The following CAMTA1 variants were observed in gnomAD, a reference collection of about 807,000 sequenced individuals.
CAMTA1 encodes calmodulin-binding transcription activator 1.
A neutral mutation model predicts 170.9 loss-of-function variants in CAMTA1; 27 were observed. That is an observed-to-expected ratio of 0.16 (90% CI 0.12 to 0.22). The LOEUF (loss-of-function observed/expected upper bound fraction) is 0.22, where lower values mean the gene tolerates loss of function less well. CAMTA1 is among the 10% of genes least tolerant of loss of function. The probability of loss-of-function intolerance (pLI) is 1.00; values close to 1 mark genes in which losing one functional copy is unlikely to be tolerated. For synonymous variants in CAMTA1, 833 were observed against 891.5 expected (o/e 0.93, Z 1.17); for missense variants, 1,619 against 2,217.2 (o/e 0.73, Z 5.42).
chr1:7,677,822 A>G (rs1181394153), intron 11 of CAMTA1, 89 bp downstream of exon 11: 1 of 1,466,674 alleles, frequency 6.8e-7, no homozygotes, highest in African/African-American at 1.4e-5. Flanking sequence ...AAGAGTAAGC[A>G]CCCAGAAAGG....
chr1:7,139,012 T>C (rs912775325), intron 4 of CAMTA1, among the ~76,000 whole-genome samples: 2 of 145,146 alleles, frequency 1.4e-5, no homozygotes, highest in Non-Finnish European at 3.0e-5. Context: ...TATATATATA[T>C]ATATATAATT....
At chr1:7,026,349 A>T (rs936637056) in intron 3 of CAMTA1, among the ~76,000 whole-genome samples, 1 of 151,874 alleles carries the variant, frequency 6.6e-6, no homozygotes, top group South Asian at 2.1e-4. Flanking sequence ...CTATATGTCC[A>T]GGGGGGGAGT....
intron 3 of CAMTA1, among the ~76,000 whole-genome samples, chr1:6,859,021 G>C (rs1663611107): frequency 6.6e-6 from 1 of 152,118 alleles, no homozygotes; most frequent in Non-Finnish European, 1.5e-5. Context: ...TATTACAACA[G>C]TGTATGTAAA....
chr1:7,244,165 G>A (rs1034307221), intron 4 of CAMTA1, among the ~76,000 whole-genome samples: 18 of 152,268 alleles, frequency 1.2e-4, no homozygotes, highest in African/African-American at 4.3e-4. Flanking sequence ...GGCCATCAGA[G>A]AAATGCAAAT....
At chr1:6,787,208 G>A (rs886922523) in intron 1 of CAMTA1, among the ~76,000 whole-genome samples, 1 of 152,210 alleles carries the variant, frequency 6.6e-6, no homozygotes, top group Non-Finnish European at 1.5e-5. Flanking sequence ...TGTTGGCTGG[G>A]TAAGGAGAAG....
chr1:6,894,060 T>A (rs1168237141), intron 3 of CAMTA1, among the ~76,000 whole-genome samples: 1 of 152,278 alleles, frequency 6.6e-6, no homozygotes, highest in Non-Finnish European at 1.5e-5. Context: ...TGAAGATTGA[T>A]GCTTTCAGGT....
At chr1:6,847,708 T>C (rs1658780018) in intron 3 of CAMTA1, among the ~76,000 whole-genome samples, 1 of 139,864 alleles carries the variant, frequency 7.1e-6, no homozygotes, top group African/African-American at 2.6e-5. Context: ...CCCAGCTAAC[T>C]TTTTTTTTTT....
At chr1:7,398,040 A>G (rs2089468903) in intron 5 of CAMTA1, among the ~76,000 whole-genome samples, 1 of 149,796 alleles carries the variant, frequency 6.7e-6, no homozygotes, top group Admixed American at 6.7e-5. Flanking sequence ...TTCTATGTTG[A>G]TTTTCAGTCT....
intron 3 of CAMTA1, among the ~76,000 whole-genome samples, chr1:6,885,118 C>T (rs1672839877): frequency 6.6e-6 from 1 of 152,108 alleles, no homozygotes; most frequent in African/African-American, 2.4e-5. Context: ...TGAGGTTTTT[C>T]TTCCTGCTAA....
chr1:7,033,825 C>G (rs1703154204), intron 3 of CAMTA1, among the ~76,000 whole-genome samples: 1 of 151,958 alleles, frequency 6.6e-6, no homozygotes, highest in South Asian at 2.1e-4. Flanking sequence ...AACGCCTGAC[C>G]CCAAGTGATC....
intron 5 of CAMTA1, among the ~76,000 whole-genome samples, chr1:7,315,461 C>G (rs756553834): frequency 6.6e-6 from 1 of 152,194 alleles, no homozygotes; most frequent in Non-Finnish European, 1.5e-5. Flanking sequence ...TTCAGCAGCT[C>G]AGGGTGAAGC....
chr1:6,893,293 G>A (rs2149152294), intron 3 of CAMTA1, among the ~76,000 whole-genome samples: 1 of 152,266 alleles, frequency 6.6e-6, no homozygotes, highest in Non-Finnish European at 1.5e-5. Flanking sequence ...AAAAAAAGCT[G>A]TTTGTCTGTT....
At chr1:7,161,646 C>T (rs1415037668) in intron 4 of CAMTA1, among the ~76,000 whole-genome samples, 1 of 152,246 alleles carries the variant, frequency 6.6e-6, no homozygotes, top group African/African-American at 2.4e-5. Context: ...CTTTCACCTT[C>T]TGTCATGATT....
At chr1:7,460,593 GCC>G (rs79831740) in intron 5 of CAMTA1, among the ~76,000 whole-genome samples, 8 of 149,710 alleles carry the variant, frequency 5.3e-5, no homozygotes, top group African/African-American at 1.2e-4. Context: ...GGCTGTGACT[GCC>G]CCCCCCAACC....
Position 7,299,009 on chromosome 1 carries a change from A to G in CAMTA1, c.438+49383A>G, listed in dbSNP as rs1485461665. Reference sequence around the variant, plus strand: ...GCTATTTGCTTTGACTAAGGGGCCAAGATGATGAAGTCAGATGTCCTGAGT... The same window carrying G: ...GCTATTTGCTTTGACTAAGGGGCCAGGATGATGAAGTCAGATGTCCTGAGT... On this transcript the variant is annotated intron_variant, in intron 5 of 22. Coordinates refer to ENST00000303635, the MANE Select transcript of CAMTA1 (RefSeq NM_015215.4). This position sits in a 1 kb window ranked among gnomAD's most constrained non-coding sequence, Gnocchi z 4.7. Among the ~76,000 whole-genome samples the G allele has an allele frequency of 6.6e-6, 1 of 152,220 alleles. No individual in the cohort carries two copies. Among genetic ancestry groups the G allele is most frequent in the Non-Finnish European group, 1.5e-5 (1 of 68,032 alleles).
chr1:7,584,892 T>C (rs1576235828), intron 6 of CAMTA1, among the ~76,000 whole-genome samples: 1 of 152,146 alleles, frequency 6.6e-6, no homozygotes, highest in African/African-American at 2.4e-5. Flanking sequence ...GCCCCCACGG[T>C]GGAGTTATCC....
intron 3 of CAMTA1, among the ~76,000 whole-genome samples, chr1:7,004,909 A>G (rs1242716062): frequency 1.3e-5 from 2 of 152,188 alleles, no homozygotes; most frequent in East Asian, 3.9e-4. Context: ...CTGGGATTAC[A>G]GGCACATGCC....
chr1:7,513,262 G>A (rs2094228399), intron 6 of CAMTA1, among the ~76,000 whole-genome samples: 1 of 152,180 alleles, frequency 6.6e-6, no homozygotes, highest in South Asian at 2.1e-4. Flanking sequence ...GAGAGAAAGA[G>A]AAACTTCCAG....
At chr1:7,033,659 T>C (rs1270908858) in intron 3 of CAMTA1, among the ~76,000 whole-genome samples, 3 of 146,724 alleles carry the variant, frequency 2.0e-5, no homozygotes, top group African/African-American at 7.6e-5. Flanking sequence ...GTGGCGGTGA[T>C]CTCGGCTCAC....
Sources: gnomAD v4.1 joint callset for allele counts (sites outside exome capture counted in the v4.1 genomes callset) on GRCh38, gnomAD v4.1.1 for gene constraint, Gnocchi (gnomAD v3.1) non-coding constraint, MANE v1.5 for transcripts, NCBI Gene and HGNC (gene_info 2026-07-23, HGNC 2026-07-21) for gene names.